OPCML: variants seen among roughly 807,000 people sequenced by gnomAD.
The protein encoded by OPCML is opioid binding protein/cell adhesion molecule like.
Under a neutral mutation model 37.8 loss-of-function variants are expected in OPCML, and 13 were observed. That is an observed-to-expected ratio of 0.34 (90% CI 0.22 to 0.55). The LOEUF is 0.55. Among genes scored for constraint, OPCML ranks in the 20% least tolerant of loss-of-function variants. The probability of loss-of-function intolerance (pLI) is 0.91; values close to 1 mark genes in which losing one functional copy is unlikely to be tolerated. For synonymous variants in OPCML, 176 were observed against 168.8 expected (o/e 1.04, Z -0.33); for missense variants, 341 against 435.6 (o/e 0.78, Z 1.93).
At chr11:133,097,503 A>G (rs1949020706) in intron 1 of OPCML, among the ~76,000 whole-genome samples, 1 of 152,216 alleles carries the variant, frequency 6.6e-6, no homozygotes, top group Non-Finnish European at 1.5e-5. Flanking sequence ...AGCAGAAGAA[A>G]ATAAATAGTA....
intron 1 of OPCML, among the ~76,000 whole-genome samples, chr11:133,403,398 T>C (rs35838389): frequency 0.18 from 26,835 of 152,156 alleles, 2,490 homozygotes; most frequent in African/African-American, 0.22. Context: ...TGAGTAAACG[T>C]CTGTTCAAGA....
At chr11:132,828,052 AT>A (rs1389859152) in intron 2 of OPCML, among the ~76,000 whole-genome samples, 1 of 152,204 alleles carries the variant, frequency 6.6e-6, no homozygotes, top group Non-Finnish European at 1.5e-5. Flanking sequence ...ATGGAATATT[AT>A]TCAGTGCTAA....
intron 3 of OPCML, among the ~76,000 whole-genome samples, chr11:132,559,919 A>G (rs1024352246): frequency 2.0e-5 from 3 of 152,180 alleles, no homozygotes; most frequent in Admixed American, 6.5e-5. Context: ...AGCTTCAGGA[A>G]AGAATTGGCA....
intron 1 of OPCML, among the ~76,000 whole-genome samples, chr11:133,477,825 C>T (rs1947278254): frequency 6.6e-6 from 1 of 152,306 alleles, no homozygotes; most frequent in South Asian, 2.1e-4. Flanking sequence ...CCTCAGTTCT[C>T]TTCAGAGACT....
At chr11:133,496,684 T>C (rs1947794405) in intron 1 of OPCML, among the ~76,000 whole-genome samples, 1 of 152,246 alleles carries the variant, frequency 6.6e-6, no homozygotes, top group South Asian at 2.1e-4. Flanking sequence ...GTTGAGTTCT[T>C]AATTTGATTC....
At chr11:133,044,465 A>G (rs1205282777) in intron 1 of OPCML, among the ~76,000 whole-genome samples, 8 of 152,190 alleles carry the variant, frequency 5.3e-5, no homozygotes, top group Non-Finnish European at 8.8e-5. Context: ...CGGCTAGCCC[A>G]GTTTAAGGGA....
chr11:132,817,393 C>T (rs1939693944), intron 2 of OPCML, among the ~76,000 whole-genome samples: 1 of 152,032 alleles, frequency 6.6e-6, no homozygotes, highest in African/African-American at 2.4e-5. Context: ...TTCTTTGTAT[C>T]TCTATTGACC....
chr11:132,676,533 T>C (rs1478803985), intron 2 of OPCML, among the ~76,000 whole-genome samples: 3 of 151,906 alleles, frequency 2.0e-5, no homozygotes, highest in African/African-American at 7.2e-5. Context: ...GCCAATTATA[T>C]ATCTGATAAG....
At chr11:132,941,526 GC>G (rs752430030) in intron 2 of OPCML, among the ~76,000 whole-genome samples, 36 of 152,342 alleles carry the variant, frequency 2.4e-4, no homozygotes, top group Non-Finnish European at 4.1e-4. Flanking sequence ...CACTGCAAAT[GC>G]GTATTGGGAA....
At chr11:132,683,518 A>G (rs998683575) in intron 2 of OPCML, among the ~76,000 whole-genome samples, 15 of 152,228 alleles carry the variant, frequency 9.9e-5, no homozygotes, top group African/African-American at 3.4e-4. Context: ...TATCAAATGT[A>G]TGACTTTTCG....
At chr11:133,427,421 G>T (rs897549026) in intron 1 of OPCML, among the ~76,000 whole-genome samples, 10 of 123,258 alleles carry the variant, frequency 8.1e-5, no homozygotes, top group Non-Finnish European at 9.9e-5. Context: ...GGCCGGGGGT[G>T]GGGGGGCGGG....
At chr11:133,179,428 C>A (rs1296646462) in intron 1 of OPCML, among the ~76,000 whole-genome samples, 1 of 152,014 alleles carries the variant, frequency 6.6e-6, no homozygotes, top group African/African-American at 2.4e-5. Flanking sequence ...CCAGGAACAG[C>A]ACCTGGGACT....
chr11:132,459,459 C>A (rs2096093390), intron 4 of OPCML, among the ~76,000 whole-genome samples: 1 of 147,298 alleles, frequency 6.8e-6, no homozygotes. Flanking sequence ...ATATCTACTT[C>A]CTATATATAT....
intron 1 of OPCML, among the ~76,000 whole-genome samples, chr11:133,052,374 C>A (rs1356008704): frequency 1.3e-5 from 2 of 152,190 alleles, no homozygotes; most frequent in African/African-American, 4.8e-5. Flanking sequence ...CTATGGTGTG[C>A]CTGTCACTGT....
At chr11:132,536,532 GTTATTA>G (rs1322383793) in intron 3 of OPCML, among the ~76,000 whole-genome samples, 1 of 152,016 alleles carries the variant, frequency 6.6e-6, no homozygotes, top group Non-Finnish European at 1.5e-5. Context: ...CTTTATTGTT[GTTATTA>G]TTATCAGGGA....
At chr11:132,459,702 A>G (rs2096094546) in intron 4 of OPCML, among the ~76,000 whole-genome samples, 1 of 150,460 alleles carries the variant, frequency 6.6e-6, no homozygotes, top group Non-Finnish European at 1.5e-5. Flanking sequence ...TGCGATATGC[A>G]TATCTTCCAA....
rs578027960 is a variant in OPCML, at chr11:133,128,680, C to T, written c.62-185670G>A. Among the ~76,000 whole-genome samples, 29 of 152,292 alleles carry T rather than the reference C, an allele frequency of 1.9e-4. No homozygotes were observed. In the South Asian group the frequency reaches 5.8e-3, roughly 31 times the overall value. ...TGGATGGGAGCTCTTTGTCTACTGA[C>T]TGTGAACTCCAGGGTGGAAAAGATA... On this transcript the variant is annotated intron_variant, in intron 1 of 7. Transcript: ENST00000524381.
chr11:132,672,330 T>C (rs1942512714), intron 2 of OPCML, among the ~76,000 whole-genome samples: 1 of 152,170 alleles, frequency 6.6e-6, no homozygotes, highest in African/African-American at 2.4e-5. Context: ...CATGTGCTTT[T>C]TAGTAAATTA....
At chr11:133,229,945 T>C (rs903271135) in intron 1 of OPCML, among the ~76,000 whole-genome samples, 3 of 152,238 alleles carry the variant, frequency 2.0e-5, no homozygotes, top group African/African-American at 7.2e-5. Flanking sequence ...TAATAAGCTC[T>C]ACTGTATGCA....
Sources: gnomAD v4.1 joint callset for allele counts (sites outside exome capture counted in the v4.1 genomes callset) on GRCh38, gnomAD v4.1.1 for gene constraint, MANE v1.5 for transcripts, NCBI Gene and HGNC (gene_info 2026-07-23, HGNC 2026-07-21) for gene names.